ITGAL: variants seen among roughly 807,000 people sequenced by gnomAD.
ITGAL encodes the protein integrin alpha-L.
A neutral mutation model predicts 138.4 loss-of-function variants in ITGAL; 68 were observed. The ratio of observed to expected loss-of-function variants is 0.49; its 90% CI spans 0.40 to 0.60. The LOEUF (loss-of-function observed/expected upper bound fraction) is 0.60. Among genes scored for constraint, ITGAL ranks in the 20% least tolerant of loss-of-function variants. The pLI is 0.00. For missense variants in ITGAL, 1,256 were observed against 1,478.6 expected (o/e 0.85, Z 2.47); for synonymous variants, 561 against 584.3 (o/e 0.96, Z 0.57).
chr16:30,521,347 C>G, intron 30 of ITGAL, 145 bp from the exon 31 acceptor site: 1 of 602,256 alleles, frequency 1.7e-6, no homozygotes, highest in South Asian at 2.0e-5. Context: ...GCAGAGGTTG[C>G]AGTGAGCCGA....
At chr16:30,514,277 ATT>A (rs1390944511) in intron 25 of ITGAL, among the ~76,000 whole-genome samples, 10 of 141,298 alleles carry the variant, frequency 7.1e-5, no homozygotes, top group Admixed American at 7.2e-5. Flanking sequence ...TGCCCAGCTA[ATT>A]TTTTTTTTTT....
chr16:30,518,791 A>G (rs1017645319), intron 29 of ITGAL, 72 bp downstream of exon 29: 3 of 1,120,434 alleles, frequency 2.7e-6, no homozygotes, highest in Non-Finnish European at 2.7e-6. Context: ...GCAGACCTAG[A>G]TGTGGGAGAG....
intron 20 of ITGAL, 63 bp downstream of exon 20, chr16:30,505,525 T>C: frequency 8.3e-7 from 1 of 1,202,320 alleles, no homozygotes; most frequent in East Asian, 2.3e-5. Context: ...CCCACTCCAC[T>C]CACCAGATAT....
At chr16:30,508,892 C>A (rs568323316) in intron 21 of ITGAL, among the ~76,000 whole-genome samples, 31 of 151,568 alleles carry the variant, frequency 2.0e-4, no homozygotes, top group African/African-American at 7.3e-4. Context: ...AAAAAAAAAA[C>A]TGGGCTGGGT....
chr16:30,489,416 T>G (rs2050693518), intron 11 of ITGAL, 30 bp downstream of exon 11: 2 of 1,610,388 alleles, frequency 1.2e-6, no homozygotes, highest in Non-Finnish European at 1.7e-6. Context: ...GCTGGGATCT[T>G]CTGGTTGTTG....
In ITGAL at chr16:30,494,116, T is replaced by C. The variant is rs528926851; in HGVS notation, c.1214-96T>C. ...TTCAGCTGTTTCCATGCATCTCTGC[T>C]ACTAACCCAATTCCCTGGGGCCCCT... On this transcript the variant is annotated intron_variant, in intron 11 of 30. Coordinates refer to ENST00000356798, the MANE Select transcript of ITGAL (RefSeq NM_002209.3). The surrounding 1 kb of genome is among the most constrained non-coding windows in gnomAD (Gnocchi z 4.2). The C allele has an allele frequency of 7.6e-5, 81 of 1,072,784 alleles. 1 individual carries two copies. In the African/African-American group the frequency reaches 1.1e-3, roughly 14 times the overall value. 66.5% of individuals were successfully genotyped at this position (1,072,784 alleles called of 1,614,324 possible).
intron 17 of ITGAL, among the ~76,000 whole-genome samples, chr16:30,501,606 A>T (rs2050899620): frequency 6.6e-6 from 1 of 151,988 alleles, no homozygotes; most frequent in South Asian, 2.1e-4. Context: ...TAAAATATTT[A>T]ATTTTTACAG....
chr16:30,500,746 C>T (rs553650504), intron 17 of ITGAL, among the ~76,000 whole-genome samples: 25 of 152,052 alleles, frequency 1.6e-4, no homozygotes, highest in Admixed American at 3.3e-4. Context: ...AGGCCAAGCG[C>T]GGTGGCTCAG....
intron 25 of ITGAL, among the ~76,000 whole-genome samples, chr16:30,514,634 G>A (rs2051140216): frequency 6.6e-6 from 1 of 151,834 alleles, no homozygotes; most frequent in Non-Finnish European, 1.5e-5. Context: ...CTGTAGGCCA[G>A]GCTGGTCTGG....
chr16:30,517,693 G>T lies in ITGAL; in HGVS notation c.3021G>T (p.Pro1007=). The change falls in exon 27 of 31, where the codon CCG becomes CCT. Residue 1007 remains proline, a synonymous_variant. Coordinates refer to ENST00000356798, the MANE Select transcript of ITGAL (RefSeq NM_002209.3). ...PCHYEDLERL[P]DAAEPCLPGA... ...ACTATGAGGATCTGGAGAGGCTCCCGGATGCAGCTGAGGTATGGGCGTGTG... is the reference window on the plus strand; with the variant it reads ...ACTATGAGGATCTGGAGAGGCTCCCTGATGCAGCTGAGGTATGGGCGTGTG... 1 of 1,614,054 alleles carries T rather than the reference G, an allele frequency of 6.2e-7. No homozygotes were observed. Among genetic ancestry groups the T allele is most frequent in the Non-Finnish European group, 8.5e-7 (1 of 1,179,940 alleles).
rs746657380 is a variant in ITGAL at position 30,496,485 on chromosome 16, C to T, written c.1751C>T (p.Ser584Phe). The T allele has an allele frequency of 1.2e-6, 2 of 1,614,002 alleles. No homozygotes were observed. The highest frequency in any genetic ancestry group is 1.7e-6 in the Non-Finnish European group (2 of 1,179,980). ...TCAGGAATTCAGTGGTTTGGACGCT[C>T]CATCCATGGGGTGAAGGACCTTGAA... Reference protein sequence around the residue: ...VLSGIQWFGRSIHGVKDLEGD... With the variant: ...VLSGIQWFGRFIHGVKDLEGD... The change falls in exon 15 of 31, where the codon TCC (serine) becomes TTC (phenylalanine). Residue 584 changes from serine to phenylalanine, a missense_variant. This residue lies in a region of ITGAL where 867 missense variants were observed against 972.5 expected (regional missense o/e 0.89). Transcript: ENST00000356798.
chr16:30,502,655 G>A (rs561806243), intron 17 of ITGAL, among the ~76,000 whole-genome samples: 1 of 151,650 alleles, frequency 6.6e-6, no homozygotes, highest in Non-Finnish European at 1.5e-5. Flanking sequence ...GGCTGAGGCA[G>A]GAGAATCATT....
rs761646585 is a variant in ITGAL, at chr16:30,496,553, A to C, written c.1819A>C (p.Met607Leu). The part of the protein sequence containing the change: ...ADVAVGAESQ[M>L]IVLSSRPVVD... ...TGTGGCTGTGGGGGCTGAGAGCCAGATGATCGTGCTGAGGTGAGATGGGTC... is the reference window on the plus strand; with the variant it reads ...TGTGGCTGTGGGGGCTGAGAGCCAGCTGATCGTGCTGAGGTGAGATGGGTC... Residue 607 changes from methionine to leucine, a missense_variant, in exon 15 of 31, where the codon ATG becomes CTG. Met to Leu is a conservative substitution (Grantham distance 15). This residue lies in a region of ITGAL where 867 missense variants were observed against 972.5 expected (regional missense o/e 0.89). Transcript: ENST00000356798. The C allele has an allele frequency of 1.2e-5, 19 of 1,613,604 alleles. No individual in the cohort carries two copies. The highest frequency in any genetic ancestry group is 1.6e-5 in the Non-Finnish European group (19 of 1,179,744).
In ITGAL at chr16:30,479,251, G is replaced by T. The variant is rs1021063907; in HGVS notation, c.445+43G>T. 4 of 1,612,680 alleles carry T rather than the reference G, an allele frequency of 2.5e-6. No homozygotes were observed. In the Admixed American group the frequency reaches 5.0e-5, roughly 20 times the overall value. On this transcript the variant is annotated intron_variant, in intron 5 of 30. Transcript: ENST00000356798. ...CATTGGGTAAAAATACCTCCAAATG[G>T]CTGTCCCTAGAGAGAACCAGCATGG...
chr16:30,520,400 G>A (rs1479625579), intron 30 of ITGAL, among the ~76,000 whole-genome samples: 1 of 152,112 alleles, frequency 6.6e-6, no homozygotes, highest in African/African-American at 2.4e-5. Context: ...ATGCCACTGC[G>A]CTCCAGCCTG....
intron 4 of ITGAL, among the ~76,000 whole-genome samples, chr16:30,476,711 CA>C (rs2050476891): frequency 6.6e-6 from 1 of 151,238 alleles, no homozygotes; most frequent in Non-Finnish European, 1.5e-5. Flanking sequence ...CAGTTCACTG[CA>C]ACCTCCGCCT....
In ITGAL at chr16:30,513,767, G is replaced by T. The variant is rs200515472; in HGVS notation, c.2787-4G>T. On this transcript the variant is annotated splice_polypyrimidine_tract_variant and splice_region_variant and intron_variant, in intron 24 of 30. Coordinates refer to ENST00000356798, the MANE Select transcript of ITGAL (RefSeq NM_002209.3). ...CTTCCATCGCTGCCCTTCTCTCTCC[G>T]CAGCCAAGAAGACTCCACACTCTAT... 4 of 1,612,560 alleles carry T rather than the reference G, an allele frequency of 2.5e-6. No individual in the cohort carries two copies. The highest frequency in any genetic ancestry group is 1.1e-5 in the South Asian group (1 of 91,032).
intron 9 of ITGAL, 36 bp downstream of exon 9, chr16:30,484,299 T>C (rs2050606208): frequency 6.3e-7 from 1 of 1,588,088 alleles, no homozygotes; most frequent in African/African-American, 1.4e-5. Flanking sequence ...CTCGGGAGTC[T>C]GCATAAAGAA....
chr16:30,520,145 C>T (rs975598313), intron 30 of ITGAL, among the ~76,000 whole-genome samples, 178 bp downstream of exon 30: 1 of 152,158 alleles, frequency 6.6e-6, no homozygotes, highest in Admixed American at 6.5e-5. Context: ...GTCCAAAGAA[C>T]AAGCAAGGGC....
Sources: gnomAD v4.1 joint callset for allele counts (sites outside exome capture counted in the v4.1 genomes callset) on GRCh38, gnomAD v4.1.1 for gene constraint, gnomAD v4.1.1 regional missense constraint, Gnocchi (gnomAD v3.1) non-coding constraint, MANE v1.5 for transcripts, NCBI Gene and HGNC (gene_info 2026-07-23, HGNC 2026-07-21) for gene names.